The following MARK4 variants were observed in gnomAD, a reference collection of about 807,000 sequenced individuals.
MARK4 encodes MAP/microtubule affinity-regulating kinase 4.
Under a neutral mutation model 81.5 loss-of-function variants are expected in MARK4, and 19 were observed. The observed-to-expected ratio is 0.23, with a 90% CI of 0.16 to 0.34. MARK4 has a LOEUF of 0.34. MARK4 is among the 10% of genes least tolerant of loss of function. MARK4 has a pLI of 1.00. For synonymous variants in MARK4, 436 were observed against 439.0 expected (o/e 0.99, Z 0.08); for missense variants, 772 against 1,058.8 (o/e 0.73, Z 3.76).
chr19:45,259,071 C>G lies in MARK4; in HGVS notation c.134C>G (p.Ser45Cys), dbSNP rs765045934. 1.9e-6 allele frequency: 3 copies of G among 1,614,088 alleles called. No homozygotes were observed. In the South Asian group the frequency reaches 3.3e-5, roughly 18 times the overall value. Reference protein sequence around the residue: ...SRSLGARCRNSIASCPEEQPH... With the variant: ...SRSLGARCRNCIASCPEEQPH... ...TCACTGGGTGCCCGTTGCCGGAACT[C>G]CATCGCCTCCTGTCCCGAGGAGCAG... Residue 45 changes from serine to cysteine, a missense_variant, in exon 2 of 17, where the codon TCC becomes TGC. By Grantham distance (112) the Ser-to-Cys change is moderately radical (BLOSUM62 -1). Coordinates refer to ENST00000262891, the MANE Select transcript of MARK4 (RefSeq NM_001199867.2).
At chr19:45,268,895 C>T (rs1970489667) in intron 7 of MARK4, among the ~76,000 whole-genome samples, 1 of 152,178 alleles carries the variant, frequency 6.6e-6, no homozygotes, top group Non-Finnish European at 1.5e-5. Flanking sequence ...TCCCTCCACA[C>T]GGCCCTGGAG....
intron 14 of MARK4, 117 bp downstream of exon 14, chr19:45,294,569 G>A (rs1970862250): frequency 2.3e-6 from 2 of 860,918 alleles, no homozygotes; most frequent in African/African-American, 1.7e-5. Context: ...CAGAGAGTGA[G>A]TGTATCTGCC....
Position 45,302,407 on chromosome 19 carries a change from C to A in MARK4, c.1956C>A (p.Ala652=). 1.9e-6 allele frequency: 3 copies of A among 1,614,144 alleles called. No individual in the cohort carries two copies. The highest frequency in any genetic ancestry group is 2.5e-6 in the Non-Finnish European group (3 of 1,179,990). Residue 652 remains alanine, a synonymous_variant, in exon 17 of 17, where the codon GCC becomes GCA. Transcript: ENST00000262891. The surrounding 1 kb of genome is among the most constrained non-coding windows in gnomAD (Gnocchi z 4.9). ...CHLPWDQTET[A]PRLLRFPWSV... ...TACCTTGGGATCAAACGGAAACCGC[C>A]CCCCGGCTGCTCCGATTCCCCTGGA...
chr19:45,294,583 C>T lies in MARK4; in HGVS notation c.1598+131C>T, dbSNP rs1182401610. 12 of 765,808 alleles carry T rather than the reference C, an allele frequency of 1.6e-5. No individual in the cohort carries two copies. In the East Asian group the frequency reaches 2.7e-4, roughly 17 times the overall value. 47.4% of individuals were successfully genotyped at this position (765,808 alleles called of 1,614,324 possible). On this transcript the variant is annotated intron_variant, in intron 14 of 16. Transcript: ENST00000262891. Reference sequence around the variant, plus strand: ...CCAGAGAGTGAGTGTATCTGCCCTGCCCTTGGCAGAATCGACCCATGTACC... The same window carrying T: ...CCAGAGAGTGAGTGTATCTGCCCTGTCCTTGGCAGAATCGACCCATGTACC...
chr19:45,258,716 A>G (rs1970341585), intron 1 of MARK4, among the ~76,000 whole-genome samples: 1 of 151,256 alleles, frequency 6.6e-6, no homozygotes, highest in Admixed American at 6.6e-5. Flanking sequence ...AAAAAAAAAG[A>G]CAAGGAGGTT....
intron 1 of MARK4, 57 bp downstream of exon 1, chr19:45,251,696 C>T: frequency 6.9e-7 from 1 of 1,449,644 alleles, no homozygotes; most frequent in Non-Finnish European, 9.2e-7. Flanking sequence ...CCAAACCCTT[C>T]TCCCCGTTGT....
At chr19:45,283,918 C>CAGG (rs1970709738) in intron 12 of MARK4, among the ~76,000 whole-genome samples, 2 of 152,142 alleles carry the variant, frequency 1.3e-5, no homozygotes, top group African/African-American at 2.4e-5. Context: ...AGTTCTTACT[C>CAGG]TGGGACAGGT....
At chr19:45,265,717 TAAG>T (rs1970444474) in intron 6 of MARK4, among the ~76,000 whole-genome samples, 1 of 133,782 alleles carries the variant, frequency 7.5e-6, no homozygotes, top group South Asian at 2.4e-4. Context: ...GCATGAGGGG[TAAG>T]AAGATGTGCG....
At chr19:45,290,795 T>G (rs1035123240) in intron 13 of MARK4, among the ~76,000 whole-genome samples, 1 of 152,136 alleles carries the variant, frequency 6.6e-6, no homozygotes, top group African/African-American at 2.4e-5. Context: ...TGCCACCACC[T>G]GTGAGGACTG....
At chr19:45,291,560 A>G (rs1366513690) in intron 13 of MARK4, among the ~76,000 whole-genome samples, 2 of 152,214 alleles carry the variant, frequency 1.3e-5, no homozygotes, top group African/African-American at 4.8e-5. Context: ...AGGCGGGCGG[A>G]TCACGAGGTC....
chr19:45,304,604 C>T lies in MARK4; in HGVS notation c.*1894C>T, dbSNP rs1006320488. ...AGGCTTGGTCAATTCCTGAGAGCAT[C>T]CTCTGTGCTGGGGACACAGTGGTAA... On this transcript the variant is annotated 3_prime_UTR_variant, in exon 17 of 17. Coordinates refer to ENST00000262891, the MANE Select transcript of MARK4 (RefSeq NM_001199867.2). The T allele has an allele frequency of 2.0e-5, 3 of 152,150 alleles. No homozygotes were observed. Among genetic ancestry groups the T allele is most frequent in the African/African-American group, 4.8e-5 (2 of 41,432 alleles). The allele number at this position is 152,150 out of a possible 1,614,324, so 9.4% of individuals were successfully genotyped here. A position where few individuals can be genotyped will look rare whatever the true frequency, so the allele number is the denominator to read the frequency against.
chr19:45,300,344 GAAAAAAAAAAAAAAA>G (rs745730201), intron 16 of MARK4, among the ~76,000 whole-genome samples: 1 of 32,338 alleles, frequency 3.1e-5, no homozygotes. Context: ...AACTCCGTCT[GAAAAAAAAAAAAAAA>G]AAAAAAAAAA....
In MARK4 at chr19:45,271,495, C is replaced by G; in HGVS notation, c.573C>G (p.Ala191=). Residue 191 remains alanine, a synonymous_variant, in exon 8 of 17, where the codon GCC becomes GCG. Coordinates refer to ENST00000262891, the MANE Select transcript of MARK4 (RefSeq NM_001199867.2). The surrounding 1 kb of genome is among the most constrained non-coding windows in gnomAD (Gnocchi z 4.1). ...DLKAENLLLD[A]EANIKIADFG... ...AGGCTGAGAACCTCTTGCTGGATGC[C>G]GAGGCCAACATCAAGATTGCTGACT... 1.2e-6 allele frequency: 2 copies of G among 1,614,178 alleles called. No homozygotes were observed. The highest frequency in any genetic ancestry group is 1.7e-6 in the Non-Finnish European group (2 of 1,180,022).
chr19:45,287,767 A>G, intron 13 of MARK4, 103 bp downstream of exon 13: 4 of 1,299,954 alleles, frequency 3.1e-6, no homozygotes, highest in South Asian at 1.3e-5. Flanking sequence ...CTTCTTACCA[A>G]CTCCTTCTTC....
At chr19:45,295,533 G>A (rs1970875829) in intron 14 of MARK4, among the ~76,000 whole-genome samples, 1 of 152,116 alleles carries the variant, frequency 6.6e-6, no homozygotes, top group Admixed American at 6.6e-5. Context: ...CCAGCACTTT[G>A]TGAGGCCGAG....
intron 1 of MARK4, among the ~76,000 whole-genome samples, chr19:45,258,391 T>G (rs947960758): frequency 1.3e-5 from 2 of 152,140 alleles, no homozygotes; most frequent in Non-Finnish European, 2.9e-5. Context: ...ACTTGCGATA[T>G]CTCTGAGGTA....
chr19:45,271,772 C>A lies in MARK4; in HGVS notation c.786+64C>A, dbSNP rs546856985. On this transcript the variant is annotated intron_variant, in intron 8 of 16. Transcript: ENST00000262891. This position sits in a 1 kb window ranked among gnomAD's most constrained non-coding sequence, Gnocchi z 4.1. ...CCCACAGTCAGGCCCCTATCCCCCC[C>A]ACACCTCCCCTGCAGAGGGCCTCAG... 1.5e-5 allele frequency: 22 copies of A among 1,449,324 alleles called. No individual in the cohort carries two copies. In the South Asian group the frequency reaches 1.6e-4, roughly 11 times the overall value. The allele number at this position is 1,449,324 out of a possible 1,614,324, so 89.8% of individuals were successfully genotyped here.
chr19:45,278,500 C>T lies in MARK4; in HGVS notation c.907-16C>T, dbSNP rs1271436410. The T allele has an allele frequency of 1.9e-6, 3 of 1,611,012 alleles. No individual in the cohort carries two copies. The highest frequency in any genetic ancestry group is 2.2e-5 in the South Asian group (2 of 91,022). ...TGACACCTGTCTTCCCCCTTCCCTG[C>T]TCCTGATGCCTGCAGCAAATCATGA... On this transcript the variant is annotated splice_polypyrimidine_tract_variant and intron_variant, in intron 9 of 16. Coordinates refer to ENST00000262891, the MANE Select transcript of MARK4 (RefSeq NM_001199867.2).
At chr19:45,256,288 T>C (rs1220871108) in intron 1 of MARK4, among the ~76,000 whole-genome samples, 2 of 152,022 alleles carry the variant, frequency 1.3e-5, no homozygotes, top group Non-Finnish European at 2.9e-5. Context: ...AAATACAAAA[T>C]TAACCAGGTG....
Sources: gnomAD v4.1 joint callset for allele counts (sites outside exome capture counted in the v4.1 genomes callset) on GRCh38, gnomAD v4.1.1 for gene constraint, Gnocchi (gnomAD v3.1) non-coding constraint, MANE v1.5 for transcripts, NCBI Gene and HGNC (gene_info 2026-07-23, HGNC 2026-07-21) for gene names.